HELZ: variants seen among roughly 807,000 people sequenced by gnomAD.
HELZ encodes the protein helicase with zinc finger.
A neutral mutation model predicts 218.2 loss-of-function variants in HELZ; 23 were observed. That is an observed-to-expected ratio of 0.11 (90% CI 0.08 to 0.15). HELZ has a LOEUF of 0.15. Among genes scored for constraint, HELZ ranks in the 10% least tolerant of loss-of-function variants. HELZ has a pLI of 1.00. For missense variants in HELZ, 1,813 were observed against 2,353.7 expected (o/e 0.77, Z 4.75); for synonymous variants, 814 against 829.4 (o/e 0.98, Z 0.32).
chr17:67,107,501 TATC>T lies in HELZ; in HGVS notation c.4906_4908del (p.Asp1636del). On this transcript the variant is annotated inframe_deletion, in exon 31 of 33. Transcript: ENST00000358691. ...CTGGCTACTTCAATGTCTCTGCTGT[TATC>T]ATTAAAGTTAGAAAAGTGGCTACTG... The T allele has an allele frequency of 6.2e-7, 1 of 1,614,174 alleles. No individual in the cohort carries two copies. Among genetic ancestry groups the T allele is most frequent in the Non-Finnish European group, 8.5e-7 (1 of 1,180,034 alleles).
At chr17:67,095,845 T>A (rs755509785) in intron 31 of HELZ, among the ~76,000 whole-genome samples, 2 of 152,238 alleles carry the variant, frequency 1.3e-5, no homozygotes, top group Non-Finnish European at 2.9e-5. Flanking sequence ...AGCCAGAGAA[T>A]CATTAATGGC....
At chr17:67,132,721 A>C (rs2038026320) in intron 23 of HELZ, among the ~76,000 whole-genome samples, 1 of 152,188 alleles carries the variant, frequency 6.6e-6, no homozygotes, top group South Asian at 2.1e-4. Flanking sequence ...AGAGAGGGGG[A>C]GGATCTTCAC....
intron 26 of HELZ, 44 bp downstream of exon 26, chr17:67,122,926 T>G: frequency 7.1e-7 from 1 of 1,406,790 alleles, no homozygotes; most frequent in Non-Finnish European, 9.9e-7. Context: ...TAGTGAAACC[T>G]ATTTTACTTG....
chr17:67,234,516 T>G (rs2041127974), intron 3 of HELZ, among the ~76,000 whole-genome samples: 1 of 151,814 alleles, frequency 6.6e-6, no homozygotes, highest in African/African-American at 2.4e-5. Context: ...TTCTCTTCCC[T>G]ACAATCCATC....
intron 20 of HELZ, among the ~76,000 whole-genome samples, chr17:67,147,251 T>C (rs1405733932): frequency 6.6e-6 from 1 of 152,170 alleles, no homozygotes. Flanking sequence ...CCCTGTGGTG[T>C]TATTTTATTT....
chr17:67,094,056 A>G (rs2036657192), intron 31 of HELZ, among the ~76,000 whole-genome samples: 1 of 152,176 alleles, frequency 6.6e-6, no homozygotes, highest in African/African-American at 2.4e-5. Context: ...AAAAGCTGGA[A>G]ACAGCATGTA....
chr17:67,098,693 G>A (rs550265609), intron 31 of HELZ, among the ~76,000 whole-genome samples: 2 of 152,214 alleles, frequency 1.3e-5, no homozygotes, highest in South Asian at 2.1e-4. Context: ...GCAGTGAGCC[G>A]AGACTGCACC....
intron 21 of HELZ, among the ~76,000 whole-genome samples, chr17:67,144,226 A>C (rs4790890): frequency 0.3 from 45,407 of 151,796 alleles, 7,874 homozygotes; most frequent in East Asian, 0.69. Context: ...GGTATTCAAA[A>C]ATTCAAAACG....
chr17:67,121,325 G>A (rs73343120), intron 26 of HELZ, among the ~76,000 whole-genome samples: 5,207 of 152,234 alleles, frequency 0.034, 287 homozygotes, highest in African/African-American at 0.12. Flanking sequence ...CAAAATAGAA[G>A]TCTCTTTGAC....
At chr17:67,245,622 C>A, upstream of HELZ, 1 of 734,218 alleles carries the variant, frequency 1.4e-6, no homozygotes, top group Non-Finnish European at 1.7e-6. Context: ...CCAGGAAGCC[C>A]GCGAGCGGCC....
intron 9 of HELZ, among the ~76,000 whole-genome samples, chr17:67,191,319 G>A (rs2039889616): frequency 6.6e-6 from 1 of 152,098 alleles, no homozygotes. Context: ...TTATTCAACA[G>A]TCATGTTAAA....
At chr17:67,105,039 A>G (rs1186746196) in intron 31 of HELZ, among the ~76,000 whole-genome samples, 1 of 152,166 alleles carries the variant, frequency 6.6e-6, no homozygotes, top group Non-Finnish European at 1.5e-5. Flanking sequence ...AGCCTGAGGC[A>G]AGAGAATTGC....
At chr17:67,169,422 A>G (rs2039246166) in intron 13 of HELZ, among the ~76,000 whole-genome samples, 1 of 152,168 alleles carries the variant, frequency 6.6e-6, no homozygotes, top group Admixed American at 6.5e-5. Context: ...CGAAAGTGTG[A>G]GCAAAAGCAA....
At position 67,110,099 on chromosome 17, in the gene HELZ, ACT is replaced by A. The variant is rs531911686; in HGVS notation, c.3919-415_3919-414del. 7.9e-5 allele frequency among the ~76,000 whole-genome samples: 12 copies of A among 152,024 alleles called. No individual in the cohort carries two copies. The South Asian group carries it at 2.5e-3, about 32-fold the overall frequency. Reference sequence around the variant, plus strand: ...TTGTTTTTTTTTGAGACAGAGTCTAACTCTGTCTCCCAGGCTGCAGTGCAGTG... The same window carrying A: ...TTGTTTTTTTTTGAGACAGAGTCTAACTGTCTCCCAGGCTGCAGTGCAGTG... On this transcript the variant is annotated intron_variant, in intron 28 of 32. Coordinates refer to ENST00000358691, the MANE Select transcript of HELZ (RefSeq NM_014877.4).
In HELZ at chr17:67,108,450, G is replaced by A. The variant is rs763191499; in HGVS notation, c.4724+42C>T. The A allele has an allele frequency of 1.4e-6, 2 of 1,432,108 alleles. No individual in the cohort carries two copies. Among genetic ancestry groups the A allele is most frequent in the Admixed American group, 1.7e-5 (1 of 59,422 alleles). The allele number at this position is 1,432,108 out of a possible 1,614,324, so 88.7% of individuals were successfully genotyped here. On this transcript the variant is annotated intron_variant, in intron 30 of 32. Coordinates refer to ENST00000358691, the MANE Select transcript of HELZ (RefSeq NM_014877.4). This position sits in a 1 kb window ranked among gnomAD's most constrained non-coding sequence, Gnocchi z 4.1. The stretch of plus-strand genomic sequence containing the variant: ...CTACAGTCAAAAAAGAGAACAGTGA[G>A]GGGGTCGCATTCCAGGGGCTATTTT...
rs1199611215 is a variant in HELZ, at chr17:67,071,630, C to T, written c.*6622G>A. ...AGTAAATTCAAAGGCAAACTAAAAA[C>T]CAGAAGCAGAGCCCAGTACCCCCCA... On this transcript the variant is annotated 3_prime_UTR_variant, in exon 33 of 33. Coordinates refer to ENST00000358691, the MANE Select transcript of HELZ (RefSeq NM_014877.4). 3 of 152,012 alleles carry T rather than the reference C, an allele frequency of 2.0e-5. No homozygotes were observed. The highest frequency in any genetic ancestry group is 7.2e-5 in the African/African-American group (3 of 41,384). 9.4% of individuals were successfully genotyped at this position (152,012 alleles called of 1,614,324 possible). A position where few individuals can be genotyped will look rare whatever the true frequency, so the allele number is the denominator to read the frequency against.
intron 15 of HELZ, among the ~76,000 whole-genome samples, chr17:67,164,909 T>C (rs2144135856): frequency 6.6e-6 from 1 of 152,236 alleles, no homozygotes; most frequent in South Asian, 2.1e-4. Flanking sequence ...AAACTAACTC[T>C]GGGAGAAATA....
At chr17:67,123,923 T>C in intron 25 of HELZ, 40 bp downstream of exon 25, 1 of 1,465,556 alleles carries the variant, frequency 6.8e-7, no homozygotes, top group Non-Finnish European at 9.6e-7. Flanking sequence ...ATCTCTTACA[T>C]CATAAAAGCA....
rs965988532 is a variant in HELZ at position 67,111,605 on chromosome 17, G to A, written c.3919-1919C>T. Among the ~76,000 whole-genome samples the A allele has an allele frequency of 3.3e-5, 5 of 152,170 alleles. No individual in the cohort carries two copies. In the East Asian group the frequency reaches 9.6e-4, roughly 29 times the overall value. ...CAAATGGTTGTGATGCAAATTGTGT[G>A]CCAAGTGCATCCTCATCTCTAATCA... On this transcript the variant is annotated intron_variant, in intron 28 of 32. Transcript: ENST00000358691.
Sources: gnomAD v4.1 joint callset for allele counts (sites outside exome capture counted in the v4.1 genomes callset) on GRCh38, gnomAD v4.1.1 for gene constraint, Gnocchi (gnomAD v3.1) non-coding constraint, MANE v1.5 for transcripts, NCBI Gene and HGNC (gene_info 2026-07-23, HGNC 2026-07-21) for gene names.